The following TTN variants were observed in gnomAD, a reference collection of about 807,000 sequenced individuals.
The protein encoded by TTN is connectin.
Under a neutral mutation model 3,223.0 loss-of-function variants are expected in TTN, and 1,525 were observed. That is an observed-to-expected ratio of 0.47 (90% confidence interval 0.45 to 0.49). TTN has a LOEUF of 0.49. TTN is among the 20% of genes least tolerant of loss of function. The probability of loss-of-function intolerance (pLI) is 0.00; values close to 1 mark genes in which losing one functional copy is unlikely to be tolerated. For synonymous variants in TTN, 14,094 were observed against 15,161.0 expected, an observed-to-expected ratio of 0.93 and a Z score of 5.17; for missense variants, 40,786 against 43,424.0, an observed-to-expected ratio of 0.94 and a Z score of 5.40.
Position 178,776,166 on chromosome 2 carries a change from C to A in TTN, c.5698G>T (p.Val1900Leu). The stretch of plus-strand genomic sequence containing the variant: ...CCTGTGTCATATGATTTGCAGTCCA[C>A]GATGTCCAGGTAATGGATACCATCA... ...RYDGIHYLDI[V>L]DCKSYDTGEV... Residue 1900 changes from valine (V) to leucine (L), a missense_variant, in exon 28 of 363, where the codon GTG (valine) becomes TTG (leucine). By Grantham distance (32) the Val-to-Leu change is conservative (BLOSUM62 1). Transcript: ENST00000589042. The A allele has an allele frequency of 9.3e-6, 15 of 1,614,122 alleles. No individual in the cohort carries two copies. The highest frequency in any genetic ancestry group is 1.2e-5 in the Non-Finnish European group (14 of 1,179,988).
intron 336 of TTN, 80 bp from the exon 337 acceptor site, chr2:178,550,353 T>C (rs563112971): frequency 3.4e-6 from 4 of 1,193,392 alleles, no homozygotes; most frequent in East Asian, 4.9e-5. Context: ...AGTAGTGCCA[T>C]ATCACAAGGC....
chr2:178,800,750 A>G, intron 3 of TTN, 68 bp from the exon 4 acceptor site: 4 of 1,503,816 alleles, frequency 2.7e-6, no homozygotes, highest in Non-Finnish European at 2.7e-6. Context: ...TTTTTAAATA[A>G]TCACAGCTCC....
At chr2:178,539,299 G>C in intron 352 of TTN, 48 bp from the exon 353 acceptor site, 12 of 1,599,946 alleles carry the variant, frequency 7.5e-6, no homozygotes, top group Non-Finnish European at 9.4e-6. Context: ...ACAGTCCCAA[G>C]TATTATAAGC....
Position 178,630,941 on chromosome 2 carries a change from G to A in TTN, c.44017C>T (p.Arg14673Trp), listed in dbSNP as rs773004022. Residue 14673 changes from arginine (R) to tryptophan (W), a missense_variant and splice_region_variant, in exon 238 of 363, where the codon CGG becomes TGG. By Grantham distance (101) the Arg-to-Trp change is moderately radical. Transcript: ENST00000589042. Reference sequence around the variant, plus strand: ...AGGGGTCGCACCAGTTTAATTTCCCGATCTAGAAAAGTGAAGGGCCAGCAT... The same window carrying A: ...AGGGGTCGCACCAGTTTAATTTCCCAATCTAGAAAAGTGAAGGGCCAGCAT... ...KTSGKLDIED[R>W]EIKLVRPLHS... 15 of 1,611,392 alleles carry A rather than the reference G, an allele frequency of 9.3e-6. No homozygotes were observed. Among genetic ancestry groups the A allele is most frequent in the Admixed American group, 3.4e-5 (2 of 59,536 alleles).
At position 178,790,131 on chromosome 2, in the gene TTN, A is replaced by G; in HGVS notation, c.1801-16T>C. Reference sequence around the variant, plus strand: ...CCTTCATTATCTGATCATACAAAAGAAAGTAAGAAAATAGTCATTAAATTC... The same window carrying G: ...CCTTCATTATCTGATCATACAAAAGGAAGTAAGAAAATAGTCATTAAATTC... On this transcript the variant is annotated splice_polypyrimidine_tract_variant and intron_variant, in intron 11 of 362. Coordinates refer to ENST00000589042, the MANE Select transcript of TTN (RefSeq NM_001267550.2). 1 of 1,609,434 alleles carries G rather than the reference A, an allele frequency of 6.2e-7. No homozygotes were observed. Among genetic ancestry groups the G allele is most frequent in the Non-Finnish European group, 8.5e-7 (1 of 1,177,892 alleles).
chr2:178,803,095 C>A (rs1303610121), intron 2 of TTN, among the ~76,000 whole-genome samples: 1 of 152,144 alleles, frequency 6.6e-6, no homozygotes, highest in Admixed American at 6.5e-5. Flanking sequence ...ACATTCAGGG[C>A]ATGATTTATT....
In TTN at chr2:178,543,393, A is replaced by T. The variant is rs781737970; in HGVS notation, c.96580T>A (p.Ser32194Thr). The change falls in exon 347 of 363, where the codon TCT becomes ACT. Residue 32194 changes from serine to threonine, a missense_variant. Ser to Thr is a moderately conservative substitution (Grantham distance 58). Transcript: ENST00000589042. ...IYGIGEPCET[S>T]DAVLVSEVPL... ...ACTTCTGAGACCAGTACTGCATCAG[A>T]TGTTTCACAAGGTTCTCCAATGCCA... 1.2e-6 allele frequency: 2 copies of T among 1,613,862 alleles called. No individual in the cohort carries two copies. Among genetic ancestry groups the T allele is most frequent in the Non-Finnish European group, 1.7e-6 (2 of 1,179,820 alleles).
Position 178,728,330 on chromosome 2 carries a change from A to G in TTN, c.19494T>C (p.Ile6498=), listed in dbSNP as rs1236880694. 1.2e-6 allele frequency: 2 copies of G among 1,611,528 alleles called. No individual in the cohort carries two copies. Among genetic ancestry groups the G allele is most frequent in the African/African-American group, 2.7e-5 (2 of 74,952 alleles). The part of the protein sequence containing the change: ...TKMDKVLGSS[I]HMECKVSGSL... The stretch of plus-strand genomic sequence containing the variant: ...AACCAGACACCTTGCACTCCATATG[A>G]ATAGAAGAGCCCAGAACTTTATCCA... Residue 6498 remains isoleucine (I), a synonymous_variant, in exon 67 of 363, where the codon ATT becomes ATC. Transcript: ENST00000589042.
In TTN at chr2:178,549,580, T is replaced by C. The variant is rs752746943; in HGVS notation, c.92142A>G (p.Gln30714=). The change falls in exon 338 of 363, where the codon CAA becomes CAG. Residue 30714 remains glutamine (Q), a synonymous_variant. Coordinates refer to ENST00000589042, the MANE Select transcript of TTN (RefSeq NM_001267550.2). The part of the protein sequence containing the change: ...RPLDSDPVVA[Q]IQYTVPDAPG... The stretch of plus-strand genomic sequence containing the variant: ...AAAACGCAAACTTACTATATTGTAT[T>C]TGAGCAACCACTGGATCAGAATCAA... 3.1e-6 allele frequency: 5 copies of C among 1,612,352 alleles called. No individual in the cohort carries two copies. The South Asian group carries it at 5.5e-5, about 18-fold the overall frequency.
chr2:178,598,057 C>T lies in TTN; in HGVS notation c.57113G>A (p.Gly19038Asp), dbSNP rs1404640641. The T allele has an allele frequency of 3.1e-6, 5 of 1,610,806 alleles. No individual in the cohort carries two copies. Among genetic ancestry groups the T allele is most frequent in the South Asian group, 1.1e-5 (1 of 90,428 alleles). Residue 19038 changes from glycine to aspartate, a missense_variant and splice_region_variant, in exon 293 of 363, where the codon GGT becomes GAT. Transcript: ENST00000589042. ...KEEGKEEWEK[G>D]KDKEVRGTKL... is the part of the protein sequence containing the mutation. The stretch of plus-strand genomic sequence containing the variant: ...TGTTCCTCTCACTTCTTTATCTTTA[C>T]CCTGGGGAGAAATCATAGACATTTT...
Position 178,678,060 on chromosome 2 carries a change from T to C in TTN, c.33994+65A>G. The C allele has an allele frequency of 1.9e-6, 3 of 1,562,444 alleles. No homozygotes were observed. In the East Asian group the frequency reaches 6.7e-5, roughly 35 times the overall value. On this transcript the variant is annotated intron_variant, in intron 145 of 362. Coordinates refer to ENST00000589042, the MANE Select transcript of TTN (RefSeq NM_001267550.2). ...ATAAATACTAAGCATTAATTATAAT[T>C]AGTAAGGCTGTATAACACCAGTTAG...
rs368415251 is a variant in TTN, at chr2:178,572,984, G to A, written c.73148C>T (p.Ser24383Leu). 7.4e-6 allele frequency: 12 copies of A among 1,613,012 alleles called. No individual in the cohort carries two copies. The African/African-American group carries it at 1.3e-4, about 18-fold the overall frequency. The change falls in exon 326 of 363, where the codon TCG (serine) becomes TTG (leucine). Residue 24383 changes from serine to leucine, a missense_variant. By Grantham distance (145) the Ser-to-Leu change is moderately radical. Transcript: ENST00000589042. ...VTPPAGLKAT[S>L]YTITGLTENQ... Reference sequence around the variant, plus strand: ...CTCTGTGAGGCCAGTGATAGTATACGAAGTTGCCTTGAGTCCTGCTGGTGG... The same window carrying A: ...CTCTGTGAGGCCAGTGATAGTATACAAAGTTGCCTTGAGTCCTGCTGGTGG...
intron 171 of TTN, 22 bp from the exon 172 acceptor site, chr2:178,663,538 T>G (rs891324455): frequency 7.4e-6 from 12 of 1,613,464 alleles, no homozygotes; most frequent in Non-Finnish European, 1.0e-5. Context: ...TTAGTGAAAT[T>G]ACATTTAGGC....
chr2:178,551,518 T>A, intron 335 of TTN, 112 bp downstream of exon 335: 2 of 977,022 alleles, frequency 2.0e-6, no homozygotes, highest in Non-Finnish European at 1.5e-6. Context: ...AGTTCTCTAG[T>A]GACAAGAAGA....
chr2:178,805,786 C>T (rs910424446), intron 1 of TTN, among the ~76,000 whole-genome samples: 1 of 152,068 alleles, frequency 6.6e-6, no homozygotes, highest in Non-Finnish European at 1.5e-5. Flanking sequence ...TAATGGAAGG[C>T]TGGTGTAAAA....
At position 178,774,351 on chromosome 2, in the gene TTN, C is replaced by G. The variant is rs367761468; in HGVS notation, c.6913G>C (p.Glu2305Gln). ...GTATATTTGCCATTGGATTTAAGCT[C>G]CACATCATTATGATACCATTTTCCT... The part of the protein sequence containing the change: ...IEGKWYHNDV[E>Q]LKSNGKYTIT... The change falls in exon 30 of 363, where the codon GAG becomes CAG. Residue 2305 changes from glutamate (E) to glutamine (Q), a missense_variant. Coordinates refer to ENST00000589042, the MANE Select transcript of TTN (RefSeq NM_001267550.2). 18 of 1,613,966 alleles carry G rather than the reference C, an allele frequency of 1.1e-5. No individual in the cohort carries two copies. Among genetic ancestry groups the G allele is most frequent in the African/African-American group, 8.0e-5 (6 of 74,906 alleles).
Position 178,731,356 on chromosome 2 carries a change from C to T in TTN, c.17410G>A (p.Ala5804Thr). The change falls in exon 59 of 363, where the codon GCC (alanine) becomes ACC (threonine). Residue 5804 changes from alanine (A) to threonine (T), a missense_variant. Transcript: ENST00000589042. ...CTTTGTATTCCTGCATCATTTTTGG[C>T]CTGACAGACATATTTCCCATCATGC... ...VKHDGKYVCQ[A>T]KNDAGIQRCS... The T allele has an allele frequency of 6.2e-7, 1 of 1,613,760 alleles. No individual in the cohort carries two copies. The highest frequency in any genetic ancestry group is 8.5e-7 in the Non-Finnish European group (1 of 1,179,754).
At position 178,767,751 on chromosome 2, in the gene TTN, G is replaced by C. The variant is rs781421780; in HGVS notation, c.9471+8C>G. On this transcript the variant is annotated splice_region_variant and intron_variant, in intron 40 of 362. Transcript: ENST00000589042. ...GATTTTTCAAAACATTTAGTATGTA[G>C]ACAATACCTGAACCTCCTTTTTAAT... is the stretch of plus-strand genomic sequence containing the variant. 6 of 1,613,648 alleles carry C rather than the reference G, an allele frequency of 3.7e-6. No individual in the cohort carries two copies. The highest frequency in any genetic ancestry group is 2.2e-5 in the East Asian group (1 of 44,870).
Position 178,621,869 on chromosome 2 carries a change from G to C in TTN, c.45053C>G (p.Ala15018Gly). 6.2e-7 allele frequency: 1 copy of C among 1,612,068 alleles called. No individual in the cohort carries two copies. Among genetic ancestry groups the C allele is most frequent in the Non-Finnish European group, 8.5e-7 (1 of 1,178,954 alleles). ...EAEYSCEVRT[A>G]RTSGMLTVLE... The stretch of plus-strand genomic sequence containing the variant: ...AACTGTCAGCATGCCAGAAGTTCTC[G>C]CTGTCCTTACTTCACAGGAATATTC... The change falls in exon 244 of 363, where the codon GCG becomes GGG. Residue 15018 changes from alanine to glycine, a missense_variant. Transcript: ENST00000589042.
Sources: gnomAD v4.1 joint callset for allele counts (sites outside exome capture counted in the v4.1 genomes callset) on GRCh38, gnomAD v4.1.1 for gene constraint, MANE v1.5 for transcripts, NCBI Gene and HGNC (gene_info 2026-07-23, HGNC 2026-07-21) for gene names.